BCL7A: variants seen among roughly 807,000 people sequenced by gnomAD.
BCL7A encodes the protein B-cell CLL/lymphoma 7 protein family member A.
A neutral mutation model predicts 28.4 loss-of-function variants in BCL7A; 11 were observed. The observed-to-expected ratio is 0.39, with a 90% confidence interval of 0.24 to 0.64. The LOEUF (loss-of-function observed/expected upper bound fraction) is 0.64, where lower values mean the gene tolerates loss of function less well. Among genes scored for constraint, BCL7A ranks in the 30% least tolerant of loss-of-function variants. The pLI, the probability that BCL7A is intolerant of heterozygous loss-of-function variation, is 0.50. For synonymous variants in BCL7A, 123 were observed against 103.3 expected, an observed-to-expected ratio of 1.19 and a Z score of -1.15; for missense variants, 222 against 274.8, an observed-to-expected ratio of 0.81 and a Z score of 1.36.
chr12:122,044,028 T>C lies in BCL7A; in HGVS notation c.414T>C (p.Asp138=). 1 of 1,613,588 alleles carries C rather than the reference T, an allele frequency of 6.2e-7. No homozygotes were observed. The highest frequency in any genetic ancestry group is 8.5e-7 in the Non-Finnish European group (1 of 1,179,826). Residue 138 remains aspartate (D), a synonymous_variant, in exon 4 of 6, where the codon GAT becomes GAC. Coordinates refer to ENST00000261822, the MANE Select transcript of BCL7A (RefSeq NM_001024808.3). ...CCAAGGTGGATGAGGCCCAGGCTGA[T>C]GGGAAGGAGCACCCAGGAGCTGAAG... ...TEAKVDEAQA[D]GKEHPGAEDA... is the part of the protein sequence containing the mutation.
intron 3 of BCL7A, among the ~76,000 whole-genome samples, chr12:122,042,886 C>G (rs1883988663): frequency 6.6e-6 from 1 of 152,138 alleles, no homozygotes; most frequent in South Asian, 2.1e-4. Context: ...TATTCAAATT[C>G]CCCAATTGTT....
At chr12:122,027,603 C>G (rs1350485556) in intron 1 of BCL7A, among the ~76,000 whole-genome samples, 1 of 151,874 alleles carries the variant, frequency 6.6e-6, no homozygotes, top group African/African-American at 2.4e-5. Flanking sequence ...TTTGGGAGGC[C>G]AAGGCGGGTG....
Position 122,054,830 on chromosome 12 carries a change from G to A in BCL7A, c.465G>A (p.Gln155=), listed in dbSNP as rs142787362. Residue 155 remains glutamine (Q), a synonymous_variant, in exon 5 of 6, where the codon CAG becomes CAA. Transcript: ENST00000261822. Reference sequence around the variant, plus strand: ...ATGCTTCTGATGAGCAGAATTCACAGTCCTCGATGGAACATTCGATGAACA... The same window carrying A: ...ATGCTTCTGATGAGCAGAATTCACAATCCTCGATGGAACATTCGATGAACA... ...AEDASDEQNS[Q]SSMEHSMNSS... The A allele has an allele frequency of 1.9e-6, 3 of 1,614,162 alleles. No homozygotes were observed. The highest frequency in any genetic ancestry group is 2.5e-6 in the Non-Finnish European group (3 of 1,180,022).
At position 122,054,911 on chromosome 12, in the gene BCL7A, G is replaced by A. The variant is rs989797589; in HGVS notation, c.546G>A (p.Thr182=). Residue 182 remains threonine, a synonymous_variant, in exon 5 of 6, where the codon ACG becomes ACA. Coordinates refer to ENST00000261822, the MANE Select transcript of BCL7A (RefSeq NM_001024808.3). ...GAGACTCGGGTCTGGCCGCAGAGAC[G>A]TCTGCAATCTCTCAGGTACCTCGCT... ...PSGDSGLAAE[T]SAISQDLEGV... 5.0e-6 allele frequency: 8 copies of A among 1,614,054 alleles called. No homozygotes were observed. The African/African-American group carries it at 6.7e-5, about 13-fold the overall frequency.
Position 122,026,051 on chromosome 12 carries a change from C to T in BCL7A, c.92+3868C>T, listed in dbSNP as rs528143869. On this transcript the variant is annotated intron_variant, in intron 1 of 5. Coordinates refer to ENST00000261822, the MANE Select transcript of BCL7A (RefSeq NM_001024808.3). ...TTAGGAGGCCGAGGAGGGAGGATCA[C>T]GAGGTCAGGAGATCGAGACCATCCT... is the stretch of plus-strand genomic sequence containing the variant. 4.6e-5 allele frequency among the ~76,000 whole-genome samples: 7 copies of T among 151,480 alleles called. No individual in the cohort carries two copies. The South Asian group carries it at 1.0e-3, about 23-fold the overall frequency.
rs1180767643 is a variant in BCL7A at position 122,043,964 on chromosome 12, C to T, written c.350C>T (p.Pro117Leu). The change falls in exon 4 of 6, where the codon CCA becomes CTA. Residue 117 changes from proline to leucine, a missense_variant. By Grantham distance (98) the Pro-to-Leu change is moderately conservative. Around this residue, in one of 2 missense-constraint regions of BCL7A, gnomAD observed 155 missense variants for 145.7 expected, o/e 1.06. Coordinates refer to ENST00000261822, the MANE Select transcript of BCL7A (RefSeq NM_001024808.3). ...AACAGCAGCAACTCCAGCCCCGCTC[C>T]AGAGCCCAACTCGGCTGTGCCCAGC... ...QENSSNSSPA[P>L]EPNSAVPSDG... 6.2e-7 allele frequency: 1 copy of T among 1,613,922 alleles called. No individual in the cohort carries two copies. The highest frequency in any genetic ancestry group is 8.5e-7 in the Non-Finnish European group (1 of 1,180,044).
chr12:122,022,774 T>C (rs1883496641), intron 1 of BCL7A, among the ~76,000 whole-genome samples: 2 of 151,236 alleles, frequency 1.3e-5, no homozygotes, highest in Admixed American at 6.6e-5. Flanking sequence ...GCGAGCCGTT[T>C]AAATTTAGCG....
chr12:122,024,966 C>T (rs1883583376), intron 1 of BCL7A, among the ~76,000 whole-genome samples: 1 of 147,130 alleles, frequency 6.8e-6, no homozygotes, highest in African/African-American at 2.5e-5. Flanking sequence ...CTGATGCTTC[C>T]CCCACCCCCG....
At chr12:122,022,406 A>T (rs1883484196) in intron 1 of BCL7A, among the ~76,000 whole-genome samples, 1 of 141,186 alleles carries the variant, frequency 7.1e-6, no homozygotes, top group South Asian at 2.3e-4. Context: ...TCGCGCCTGT[A>T]GCCCACCTGG....
rs1357113555 is a variant in BCL7A at position 122,021,929 on chromosome 12, T to G, written c.-163T>G. On this transcript the variant is annotated 5_prime_UTR_variant, in exon 1 of 6. Transcript: ENST00000261822. ...CGGCCCCGGGCTTTGTGTGTGTGTG[T>G]ATGTGTGTGTGTGTGTGTGTGTGTG... The G allele has an allele frequency of 2.4e-6, 1 of 413,136 alleles. No homozygotes were observed. The highest frequency in any genetic ancestry group is 2.1e-5 in the African/African-American group (1 of 46,988). The allele number at this position is 413,136 out of a possible 1,614,324, so 25.6% of individuals were successfully genotyped here. A position where few individuals can be genotyped will look rare whatever the true frequency, so the allele number is the denominator to read the frequency against.
intron 1 of BCL7A, among the ~76,000 whole-genome samples, chr12:122,023,718 C>G: frequency 6.6e-6 from 1 of 152,282 alleles, no homozygotes; most frequent in African/African-American, 2.4e-5. Context: ...CGGTGCCCGA[C>G]TGGAGCCATT....
chr12:122,054,083 CTTA>C (rs893904264), intron 4 of BCL7A, among the ~76,000 whole-genome samples: 2 of 152,074 alleles, frequency 1.3e-5, no homozygotes, highest in Non-Finnish European at 2.9e-5. Flanking sequence ...GAAAAATACC[CTTA>C]TTATTGTTAT....
At chr12:122,033,667 G>A (rs1883788305) in intron 2 of BCL7A, among the ~76,000 whole-genome samples, 1 of 151,810 alleles carries the variant, frequency 6.6e-6, no homozygotes, top group African/African-American at 2.4e-5. Flanking sequence ...GTGTTGCTCA[G>A]GCTGGTCTCA....
chr12:122,055,964 C>A, intron 5 of BCL7A, among the ~76,000 whole-genome samples: 3 of 152,262 alleles, frequency 2.0e-5, no homozygotes, highest in Middle Eastern at 3.4e-3. Context: ...TTTCCAGAAC[C>A]TCACCCCATG....
chr12:122,030,929 G>T (rs1408013810), intron 2 of BCL7A, 148 bp downstream of exon 2: 8 of 770,650 alleles, frequency 1.0e-5, no homozygotes, highest in East Asian at 2.7e-5. Flanking sequence ...TAGACCTGGG[G>T]AGGCTGCTGT....
rs1185832407 is a variant in BCL7A, at chr12:122,029,999, C to T, written c.93-701C>T. On this transcript the variant is annotated intron_variant, in intron 1 of 5. Coordinates refer to ENST00000261822, the MANE Select transcript of BCL7A (RefSeq NM_001024808.3). The surrounding 1 kb of genome is among the most constrained non-coding windows in gnomAD (Gnocchi z 4.3). Reference sequence around the variant, plus strand: ...AAACCTGCCTCTCACAGTGGGGGGTCTGGACTCCGTCCTTCAGGCGTTTGT... The same window carrying T: ...AAACCTGCCTCTCACAGTGGGGGGTTTGGACTCCGTCCTTCAGGCGTTTGT... 5.9e-5 allele frequency among the ~76,000 whole-genome samples: 9 copies of T among 152,180 alleles called. No individual in the cohort carries two copies. The highest frequency in any genetic ancestry group is 1.5e-5 in the Non-Finnish European group (1 of 68,022).
rs1258292490 is a variant in BCL7A, at chr12:122,031,991, CCTT to C, written c.174+1213_174+1215del. Among the ~76,000 whole-genome samples, 3 of 152,224 alleles carry C rather than the reference CCTT, an allele frequency of 2.0e-5. No homozygotes were observed. In the South Asian group the frequency reaches 6.2e-4, roughly 32 times the overall value. ...CCTTCCGTATTTACTCAAACTCAGT[CCTT>C]CTACCTGGGAAGATGGCGCAGACTA... is the stretch of plus-strand genomic sequence containing the variant. On this transcript the variant is annotated intron_variant, in intron 2 of 5. Transcript: ENST00000261822.
chr12:122,038,083 T>G (rs1450348738), intron 3 of BCL7A, among the ~76,000 whole-genome samples: 1 of 151,312 alleles, frequency 6.6e-6, no homozygotes, highest in Non-Finnish European at 1.5e-5. Context: ...ATCGCACCAC[T>G]GCACTCCAGC....
chr12:122,041,788 C>T (rs144565162), intron 3 of BCL7A, among the ~76,000 whole-genome samples: 1 of 152,140 alleles, frequency 6.6e-6, no homozygotes, highest in East Asian at 1.9e-4. Context: ...ACATAAATGG[C>T]TGGGTGTGGT....
Sources: allele counts gnomAD v4.1 joint callset (sites outside exome capture counted in the v4.1 genomes callset), GRCh38; gene constraint gnomAD v4.1.1; regional missense constraint gnomAD v4.1.1; non-coding constraint Gnocchi (gnomAD v3.1); transcripts MANE v1.5; gene names NCBI Gene and HGNC (gene_info 2026-07-23, HGNC 2026-07-21).